The following FDX2 variants were observed in gnomAD, a reference collection of about 807,000 sequenced individuals.
FDX2 encodes the protein ferredoxin 2, also known as ferredoxin-2, mitochondrial.
Under a neutral mutation model 18.5 loss-of-function variants are expected in FDX2, and 13 were observed. That is an observed-to-expected ratio of 0.70 (90% CI 0.46 to 1.12). The LOEUF is 1.12. Ranked by LOEUF, FDX2 falls within the 50% of genes most tolerant of loss-of-function variation. The probability of loss-of-function intolerance (pLI) is 0.00; values close to 1 mark genes in which losing one functional copy is unlikely to be tolerated. For synonymous variants in FDX2, 132 were observed against 106.2 expected, an observed-to-expected ratio of 1.24 and a Z score of -1.49; for missense variants, 238 against 250.4, an observed-to-expected ratio of 0.95 and a Z score of 0.34.
intron 3 of FDX2, among the ~76,000 whole-genome samples, chr19:10,314,027 A>C (rs2040352191): frequency 6.8e-6 from 1 of 148,062 alleles, no homozygotes; most frequent in African/African-American, 2.5e-5. Context: ...TCTGTCATGC[A>C]GCCTGGAGTG....
In FDX2 at chr19:10,315,769, A is replaced by G; in HGVS notation, c.155-10T>C. On this transcript the variant is annotated splice_polypyrimidine_tract_variant and intron_variant, in intron 1 of 4. Coordinates refer to ENST00000393708, the MANE Select transcript of FDX2 (RefSeq NM_001031734.4). Reference sequence around the variant, plus strand: ...CCAGCCGGGCGCGAGCCTGGAAAACACGGTTCGGTGAGCGGCTGCGCCGAG... The same window carrying G: ...CCAGCCGGGCGCGAGCCTGGAAAACGCGGTTCGGTGAGCGGCTGCGCCGAG... 6.2e-7 allele frequency: 1 copy of G among 1,603,084 alleles called. No individual in the cohort carries two copies. Among genetic ancestry groups the G allele is most frequent in the Non-Finnish European group, 8.5e-7 (1 of 1,175,616 alleles).
At chr19:10,310,761 TC>T in intron 4 of FDX2, 91 bp downstream of exon 4, 1 of 1,456,452 alleles carries the variant, frequency 6.9e-7, no homozygotes, top group South Asian at 1.2e-5. Context: ...GGGAGGCAGC[TC>T]CCATTCCAGG....
At chr19:10,310,675 G>A in intron 4 of FDX2, 33 bp from the exon 5 acceptor site, 12 of 1,600,114 alleles carry the variant, frequency 7.5e-6, no homozygotes, top group Non-Finnish European at 1.0e-5. Context: ...GTTAGCCGAG[G>A]GCAAGCTAGC....
chr19:10,310,533 TC>T lies in FDX2; in HGVS notation c.513del (p.Ile172SerfsTer77). 6.2e-7 allele frequency: 1 copy of T among 1,614,114 alleles called. No homozygotes were observed. ...CCATCCACGTAGAAGTTCCTGGTGA[TC>T]TTGGGCAGGGTGAATTCCGCTCCTT... On this transcript the variant is annotated frameshift_variant, in exon 5 of 5. Coordinates refer to ENST00000393708, the MANE Select transcript of FDX2 (RefSeq NM_001031734.4). LOFTEE classifies it high-confidence loss of function.
chr19:10,315,317 G>GTTTTT, intron 3 of FDX2, 69 bp downstream of exon 3: 1 of 212,902 alleles, frequency 4.7e-6, no homozygotes, highest in Non-Finnish European at 7.6e-6. Flanking sequence ...CCTAATTTGT[G>GTTTTT]GGTTTTTTTT....
In FDX2 at chr19:10,315,943, A is replaced by T. The variant is rs1568308271; in HGVS notation, c.63T>A (p.Ala21=). Residue 21 remains alanine (A), a synonymous_variant, in exon 1 of 5, where the codon GCT becomes GCA. Transcript: ENST00000393708. ...GTCTGTTCCACCAGGTGCCCCTGGC[A>T]GCCTGCAGTAGAACCCTGGCACTCA... is the stretch of plus-strand genomic sequence containing the variant. 3.1e-6 allele frequency: 5 copies of T among 1,602,842 alleles called. No individual in the cohort carries two copies. Among genetic ancestry groups the T allele is most frequent in the Non-Finnish European group, 4.3e-6 (5 of 1,176,046 alleles).
intron 3 of FDX2, among the ~76,000 whole-genome samples, chr19:10,312,172 A>ATTTTTT (rs60538704): frequency 1.4e-3 from 116 of 82,554 alleles, no homozygotes; most frequent in Non-Finnish European, 1.9e-3. Flanking sequence ...ACCTGGCCAT[A>ATTTTTT]TTTTTTTTTT....
At chr19:10,311,019 AGACCT>A in intron 3 of FDX2, 79 bp from the exon 4 acceptor site, 1 of 1,046,854 alleles carries the variant, frequency 9.6e-7, no homozygotes, top group Non-Finnish European at 1.4e-6. Flanking sequence ...GTAGAGGAGT[AGACCT>A]CTCTTCCACC....
intron 3 of FDX2, 63 bp downstream of exon 3, chr19:10,315,323 T>TTTTTTG: frequency 1.1e-6 from 1 of 925,264 alleles, no homozygotes; most frequent in Non-Finnish European, 1.5e-6. Context: ...TTGTGGGTTT[T>TTTTTTG]TTTTTTTTTT....
chr19:10,310,417 T>G lies in FDX2; in HGVS notation c.*69A>C. ...GGCCTGTCCGCACTCTGGGCAGGGC[T>G]GGCACCTGGCTATTCCCTCAATCTG... is the stretch of plus-strand genomic sequence containing the variant. On this transcript the variant is annotated 3_prime_UTR_variant, in exon 5 of 5. Coordinates refer to ENST00000393708, the MANE Select transcript of FDX2 (RefSeq NM_001031734.4). 6.2e-7 allele frequency: 1 copy of G among 1,603,614 alleles called. No homozygotes were observed. Among genetic ancestry groups the G allele is most frequent in the Non-Finnish European group, 8.5e-7 (1 of 1,172,452 alleles).
intron 3 of FDX2, among the ~76,000 whole-genome samples, chr19:10,315,126 A>G (rs1177849199): frequency 2.0e-5 from 3 of 152,100 alleles, no homozygotes; most frequent in Non-Finnish European, 2.9e-5. Flanking sequence ...CAACAAAAAG[A>G]AAGCCAATGT....
At chr19:10,311,902 C>T (rs2040329081) in intron 3 of FDX2, among the ~76,000 whole-genome samples, 1 of 135,054 alleles carries the variant, frequency 7.4e-6, no homozygotes, top group South Asian at 2.4e-4. Flanking sequence ...TGGAGTTTCG[C>T]TCTCTTTGCC....
At chr19:10,311,874 T>C (rs1476589805) in intron 3 of FDX2, among the ~76,000 whole-genome samples, 1 of 146,904 alleles carries the variant, frequency 6.8e-6, no homozygotes. Context: ...TAATTTTTTT[T>C]TTTTTTTTTT....
chr19:10,315,285 GA>G, intron 3 of FDX2, 100 bp downstream of exon 3: 10 of 951,060 alleles, frequency 1.1e-5, no homozygotes, highest in East Asian at 2.7e-5. Flanking sequence ...TATTTGGTGG[GA>G]AAAAGACGTG....
intron 3 of FDX2, among the ~76,000 whole-genome samples, chr19:10,313,667 ATATATTTTTTTTTTTT>A (rs1358652929): frequency 2.4e-5 from 1 of 41,840 alleles, no homozygotes; most frequent in African/African-American, 1.2e-4. Context: ...ATATATATAT[ATATATTTTTTTTTTTT>A]TTTTTTTTTT....
Position 10,315,659 on chromosome 19 carries a change from G to A in FDX2, c.209+46C>T, listed in dbSNP as rs575557660. The A allele has an allele frequency of 4.3e-5, 67 of 1,541,496 alleles. No homozygotes were observed. The East Asian group carries it at 8.3e-4, about 19-fold the overall frequency. ...CTACAGGGCAAGATGGGGACCAGAG[G>A]AATTCCGTGGGATGAGGAATGGGGG... On this transcript the variant is annotated intron_variant, in intron 2 of 4. Transcript: ENST00000393708.
In FDX2 at chr19:10,315,853, T is replaced by A. The variant is rs1283741159; in HGVS notation, c.153A>T (p.Thr51=). Residue 51 remains threonine (T), a splice_region_variant and synonymous_variant, in exon 1 of 5, where the codon ACA becomes ACT. Coordinates refer to ENST00000393708, the MANE Select transcript of FDX2 (RefSeq NM_001031734.4). Reference sequence around the variant, plus strand: ...GCCCGCCCCGGGCGCCCCAGGTACCTGTCGCTTGAAACTTTCTGGTTGTCC... The same window carrying A: ...GCCCGCCCCGGGCGCCCCAGGTACCAGTCGCTTGAAACTTTCTGGTTGTCC... 1 of 1,599,036 alleles carries A rather than the reference T, an allele frequency of 6.3e-7. No individual in the cohort carries two copies. Among genetic ancestry groups the A allele is most frequent in the Non-Finnish European group, 8.5e-7 (1 of 1,174,728 alleles).
chr19:10,315,891 C>A lies in FDX2; in HGVS notation c.115G>T (p.Gly39Trp), dbSNP rs1314708743. 6.2e-7 allele frequency: 1 copy of A among 1,602,438 alleles called. No homozygotes were observed. The highest frequency in any genetic ancestry group is 1.8e-5 in the Admixed American group (1 of 56,470). Residue 39 changes from glycine (G) to tryptophan (W), a missense_variant, in exon 1 of 5, where the codon GGG (glycine) becomes TGG (tryptophan). By Grantham distance (184) the Gly-to-Trp change is radical. Coordinates refer to ENST00000393708, the MANE Select transcript of FDX2 (RefSeq NM_001031734.4). ...TTTCTGGTTGTCCCCAGCGCCACCC[C>A]CTCCCCCGACCCGGAAGTGCCCCCA...
chr19:10,313,201 C>T (rs906201519), intron 3 of FDX2, among the ~76,000 whole-genome samples: 1 of 152,108 alleles, frequency 6.6e-6, no homozygotes, highest in Admixed American at 6.6e-5. Flanking sequence ...CTATTGGCTG[C>T]TGGATTCCAG....
Sources: allele counts gnomAD v4.1 joint callset (sites outside exome capture counted in the v4.1 genomes callset), GRCh38; gene constraint gnomAD v4.1.1; transcripts MANE v1.5; gene names NCBI Gene and HGNC (gene_info 2026-07-23, HGNC 2026-07-21).